Variants in SH3RF3 observed in about 807,000 individuals in gnomAD.
The protein encoded by SH3RF3 is E3 ubiquitin-protein ligase SH3RF3.
A neutral mutation model predicts 66.3 loss-of-function variants in SH3RF3; 29 were observed. The observed-to-expected ratio is 0.44, with a 90% CI of 0.33 to 0.60. The LOEUF (loss-of-function observed/expected upper bound fraction) is 0.60, where lower values mean the gene tolerates loss of function less well. Ranked by LOEUF, SH3RF3 falls within the 20% of genes least tolerant of loss-of-function variation. The probability of loss-of-function intolerance (pLI) is 0.04; values close to 1 mark genes in which losing one functional copy is unlikely to be tolerated. For missense variants in SH3RF3, 1,194 were observed against 1,190.9 expected, an observed-to-expected ratio of 1.00 and a Z score of -0.04; for synonymous variants, 583 against 532.0, an observed-to-expected ratio of 1.10 and a Z score of -1.32.
chr2:109,263,410 G>T (rs1427635797), intron 1 of SH3RF3, among the ~76,000 whole-genome samples: 1 of 152,106 alleles, frequency 6.6e-6, no homozygotes, highest in African/African-American at 2.4e-5. Context: ...TAGCTTTTCT[G>T]GTTGTAAAAT....
chr2:109,176,775 G>T (rs554068531), intron 1 of SH3RF3, among the ~76,000 whole-genome samples: 26 of 152,294 alleles, frequency 1.7e-4, no homozygotes, highest in African/African-American at 6.3e-4. Flanking sequence ...CAGGAATGGA[G>T]GCTGTTCCGC....
chr2:109,320,493 T>TTATA (rs1344079787), intron 1 of SH3RF3, among the ~76,000 whole-genome samples: 16 of 152,296 alleles, frequency 1.1e-4, no homozygotes, highest in African/African-American at 3.4e-4. Context: ...CCAAGGCCAG[T>TTATA]TATACCCTTT....
intron 4 of SH3RF3, among the ~76,000 whole-genome samples, chr2:109,411,222 C>T (rs1407674707): frequency 2.6e-5 from 4 of 152,208 alleles, no homozygotes; most frequent in Admixed American, 6.5e-5. Context: ...GCTGAAAGTA[C>T]ATCCAGGCAG....
chr2:109,248,084 G>A (rs942421143), intron 1 of SH3RF3, among the ~76,000 whole-genome samples: 1 of 152,162 alleles, frequency 6.6e-6, no homozygotes. Flanking sequence ...TGAATCAATT[G>A]GAGGCTGTTA....
intron 4 of SH3RF3, among the ~76,000 whole-genome samples, chr2:109,413,053 A>G (rs930319106): frequency 6.6e-6 from 1 of 152,218 alleles, no homozygotes; most frequent in South Asian, 2.1e-4. Flanking sequence ...TTCGTATCAT[A>G]AACAGTGCTG....
At position 109,442,423 on chromosome 2, in the gene SH3RF3, A is replaced by G. The variant is rs182182040; in HGVS notation, c.1828+5277A>G. On this transcript the variant is annotated intron_variant, in intron 7 of 9. Transcript: ENST00000309415. The stretch of plus-strand genomic sequence containing the variant: ...ATGAAGATCTATACAAAGGAATGAA[A>G]AGCACTGGAAATGGTAACTACATAG... 9.7e-4 allele frequency among the ~76,000 whole-genome samples: 148 copies of G among 152,302 alleles called. 1 individual carries two copies. Among genetic ancestry groups the G allele is most frequent in the Admixed American group, 2.5e-3 (39 of 15,306 alleles).
At chr2:109,289,661 T>G (rs1681117963) in intron 1 of SH3RF3, among the ~76,000 whole-genome samples, 1 of 152,184 alleles carries the variant, frequency 6.6e-6, no homozygotes, top group African/African-American at 2.4e-5. Flanking sequence ...ATTCCATGGC[T>G]CTCTGGTGTT....
At chr2:109,209,499 G>T (rs1372855360) in intron 1 of SH3RF3, among the ~76,000 whole-genome samples, 1 of 152,170 alleles carries the variant, frequency 6.6e-6, no homozygotes, top group African/African-American at 2.4e-5. Context: ...GGGAGAGCAG[G>T]CCTGGGTACA....
intron 1 of SH3RF3, among the ~76,000 whole-genome samples, chr2:109,146,796 C>T (rs1224779796): frequency 6.8e-6 from 1 of 146,496 alleles, no homozygotes; most frequent in African/African-American, 2.5e-5. Flanking sequence ...TAGTGCCCCC[C>T]CCATTCCTTC....
At chr2:109,306,406 C>T (rs1864475) in intron 1 of SH3RF3, among the ~76,000 whole-genome samples, 47,293 of 152,138 alleles carry the variant, frequency 0.31, 9,066 homozygotes, top group African/African-American at 0.54. Context: ...GGAGGCTTCC[C>T]GGGGCTTCCG....
chr2:109,154,400 C>G (rs1455175391), intron 1 of SH3RF3, among the ~76,000 whole-genome samples: 1 of 152,178 alleles, frequency 6.6e-6, no homozygotes, highest in African/African-American at 2.4e-5. Context: ...GGCCCCCCAG[C>G]GCTGCTGCCA....
chr2:109,205,697 G>A (rs1678794263), intron 1 of SH3RF3, among the ~76,000 whole-genome samples: 1 of 152,202 alleles, frequency 6.6e-6, no homozygotes, highest in Admixed American at 6.5e-5. Flanking sequence ...AGATCTCTGG[G>A]CAGAGGTGTT....
intron 1 of SH3RF3, among the ~76,000 whole-genome samples, chr2:109,239,884 T>G (rs1179190249): frequency 6.6e-6 from 1 of 152,168 alleles, no homozygotes; most frequent in African/African-American, 2.4e-5. Context: ...GAGAAATGTG[T>G]GCTGAAGGTG....
chr2:109,242,914 T>C (rs1025944134), intron 1 of SH3RF3, among the ~76,000 whole-genome samples: 6 of 152,146 alleles, frequency 3.9e-5, no homozygotes, highest in Non-Finnish European at 2.9e-5. Flanking sequence ...AGAACAGCAT[T>C]AGGAAATCAG....
At chr2:109,173,976 C>G (rs1261867054) in intron 1 of SH3RF3, among the ~76,000 whole-genome samples, 1 of 152,254 alleles carries the variant, frequency 6.6e-6, no homozygotes, top group African/African-American at 2.4e-5. Context: ...GCACTGAGTC[C>G]TGAGACTGGC....
chr2:109,484,401 G>A (rs528500186), intron 8 of SH3RF3, among the ~76,000 whole-genome samples: 55 of 152,126 alleles, frequency 3.6e-4, no homozygotes, highest in African/African-American at 1.2e-3. Context: ...CAGGCACCTC[G>A]ACCCTTGGCC....
In SH3RF3 at chr2:109,449,337, A is replaced by G; in HGVS notation, c.1996A>G (p.Ile666Val). 1.9e-6 allele frequency: 3 copies of G among 1,605,926 alleles called. No homozygotes were observed. The highest frequency in any genetic ancestry group is 2.6e-6 in the Non-Finnish European group (3 of 1,175,352). ...PPVQMCPRPA[I>V]PLTSAASAIT... ...GGTGCAGATGTGCCCACGGCCGGCC[A>G]TCCCCCTCACATCAGCAGCATCAGC... Residue 666 changes from isoleucine (I) to valine (V), a missense_variant, in exon 8 of 10, where the codon ATC (isoleucine) becomes GTC (valine). Transcript: ENST00000309415.
chr2:109,215,335 A>G (rs1021153043), intron 1 of SH3RF3, among the ~76,000 whole-genome samples: 1 of 152,200 alleles, frequency 6.6e-6, no homozygotes, highest in Non-Finnish European at 1.5e-5. Context: ...GATTAAAATC[A>G]GGAGAGTTGA....
At chr2:109,396,138 A>G (rs1262942729) in intron 3 of SH3RF3, among the ~76,000 whole-genome samples, 1 of 152,180 alleles carries the variant, frequency 6.6e-6, no homozygotes, top group Non-Finnish European at 1.5e-5. Context: ...ATACCCTGTC[A>G]AGTGGGCAGA....
Sources: gnomAD v4.1 joint callset for allele counts (sites outside exome capture counted in the v4.1 genomes callset) on GRCh38, gnomAD v4.1.1 for gene constraint, MANE v1.5 for transcripts, NCBI Gene and HGNC (gene_info 2026-07-23, HGNC 2026-07-21) for gene names.